ST6GAL2: variants seen among roughly 807,000 people sequenced by gnomAD.
ST6GAL2 encodes the protein beta-galactoside alpha-2,6-sialyltransferase 2.
ST6GAL2 carries 24 observed loss-of-function variants against 37.5 expected under a neutral mutation model. The observed-to-expected ratio is 0.64, with a 90% confidence interval of 0.46 to 0.90. The LOEUF is 0.90. Ranked by LOEUF, ST6GAL2 falls within the 40% of genes least tolerant of loss-of-function variation. ST6GAL2 has a pLI of 0.00. For synonymous variants in ST6GAL2, 306 were observed against 295.1 expected (o/e 1.04, Z -0.38); for missense variants, 715 against 712.7 (o/e 1.00, Z -0.04).
At chr2:106,861,448 A>T (rs969093561) in intron 1 of ST6GAL2, among the ~76,000 whole-genome samples, 1 of 152,108 alleles carries the variant, frequency 6.6e-6, no homozygotes, top group Non-Finnish European at 1.5e-5. Flanking sequence ...TTAGACATTT[A>T]TTATATATCC....
Position 106,803,109 on chromosome 2 carries a change from G to A in ST6GAL2, c.*3569C>T, listed in dbSNP as rs1292493816. ...GCAGAATTAACTGGCTCATACACAT[G>A]TAAGAGAGTGACCCAGCTACTTTGA... On this transcript the variant is annotated 3_prime_UTR_variant, in exon 6 of 6. Transcript: ENST00000409382. The A allele has an allele frequency of 1.3e-5, 2 of 152,336 alleles. No homozygotes were observed. The highest frequency in any genetic ancestry group is 4.2e-4 in the South Asian group (2 of 4,806). 9.4% of individuals were successfully genotyped at this position (152,336 alleles called of 1,614,324 possible).
At chr2:106,831,141 A>G (rs4676301) in intron 4 of ST6GAL2, among the ~76,000 whole-genome samples, 129,529 of 152,100 alleles carry the variant, frequency 0.85, 55,291 homozygotes, top group East Asian at 0.94. Context: ...TGGCACTGTC[A>G]CTTTAAAAGC....
chr2:106,823,474 CACACACACACACAG>C (rs1455155117), intron 5 of ST6GAL2, among the ~76,000 whole-genome samples: 29 of 87,818 alleles, frequency 3.3e-4, no homozygotes, highest in African/African-American at 6.8e-4. Context: ...CACACACACA[CACACACACACACAG>C]AGAGAGAGAG....
At chr2:106,874,096 G>A (rs17033448) in intron 1 of ST6GAL2, among the ~76,000 whole-genome samples, 11,927 of 152,230 alleles carry the variant, frequency 0.078, 1,038 homozygotes, top group East Asian at 0.45. Flanking sequence ...CAACATGCTC[G>A]ATAGCTGGCA....
At chr2:106,817,419 C>T (rs991877672) in intron 5 of ST6GAL2, among the ~76,000 whole-genome samples, 4 of 152,194 alleles carry the variant, frequency 2.6e-5, no homozygotes, top group Admixed American at 1.3e-4. Flanking sequence ...AGTCCTGAGG[C>T]CCCCATTCCA....
At chr2:106,886,509 C>G (rs1325417062), upstream of ST6GAL2, 1 of 151,888 alleles carries the variant, frequency 6.6e-6, no homozygotes, top group Admixed American at 6.6e-5. Flanking sequence ...GCCTCAAAGC[C>G]GGCGGGAGGC....
At chr2:106,859,592 T>G (rs1285717712) in intron 1 of ST6GAL2, among the ~76,000 whole-genome samples, 1 of 152,162 alleles carries the variant, frequency 6.6e-6, no homozygotes, top group East Asian at 1.9e-4. Flanking sequence ...CTTGATTCCT[T>G]TTTCCACTTA....
intron 5 of ST6GAL2, among the ~76,000 whole-genome samples, chr2:106,821,209 T>C (rs1425804589): frequency 2.0e-5 from 3 of 151,564 alleles, no homozygotes; most frequent in Non-Finnish European, 4.4e-5. Flanking sequence ...AGTTGGCTTT[T>C]TGAAAAGATA....
chr2:106,811,228 A>T (rs941775599), intron 5 of ST6GAL2, among the ~76,000 whole-genome samples: 10 of 152,210 alleles, frequency 6.6e-5, no homozygotes, highest in African/African-American at 1.9e-4. Flanking sequence ...TCTACATATC[A>T]ATTTTCCTAA....
chr2:106,851,601 T>C (rs941829385), intron 1 of ST6GAL2, among the ~76,000 whole-genome samples: 11 of 152,180 alleles, frequency 7.2e-5, no homozygotes, highest in African/African-American at 2.7e-4. Context: ...ACTTTAACGA[T>C]GTCCCTCTTA....
At chr2:106,844,115 T>G in intron 1 of ST6GAL2, 81 bp from the exon 2 acceptor site, 1 of 645,220 alleles carries the variant, frequency 1.5e-6, no homozygotes, top group Non-Finnish European at 2.5e-6. Flanking sequence ...TTGAGCAGTG[T>G]TTCTGTAGGT....
At chr2:106,819,097 T>C (rs1285282981) in intron 5 of ST6GAL2, among the ~76,000 whole-genome samples, 1 of 152,120 alleles carries the variant, frequency 6.6e-6, no homozygotes, top group Non-Finnish European at 1.5e-5. Context: ...CTGCAGGATC[T>C]AGAAAATAGC....
intron 2 of ST6GAL2, among the ~76,000 whole-genome samples, chr2:106,835,837 G>A (rs1308366281): frequency 6.6e-6 from 1 of 152,192 alleles, no homozygotes; most frequent in East Asian, 1.9e-4. Context: ...ATACATGAAT[G>A]CCTCCAAGTT....
In ST6GAL2 at chr2:106,843,288, G is replaced by C. The variant is rs144265287; in HGVS notation, c.690C>G (p.Thr230=). 3 of 1,611,686 alleles carry C rather than the reference G, an allele frequency of 1.9e-6. No homozygotes were observed. The African/African-American group carries it at 4.0e-5, about 22-fold the overall frequency. Residue 230 remains threonine, a synonymous_variant, in exon 2 of 6, where the codon ACC becomes ACG. Coordinates refer to ENST00000409382, the MANE Select transcript of ST6GAL2 (RefSeq NM_001142351.2). ...RLQKAMKDYL[T]ANKHGVRFRG... is the part of the protein sequence containing the mutation. ...GGAAGCGCACCCCGTGCTTGTTGGC[G>C]GTCAGGTAATCCTTCATCGCCTTCT...
At chr2:106,854,686 C>T (rs894331231) in intron 1 of ST6GAL2, among the ~76,000 whole-genome samples, 5 of 152,194 alleles carry the variant, frequency 3.3e-5, no homozygotes, top group East Asian at 1.9e-4. Context: ...TAGATAAACA[C>T]GAGTGTCTGA....
At chr2:106,882,532 C>T (rs1216821363) in intron 1 of ST6GAL2, among the ~76,000 whole-genome samples, 1 of 152,186 alleles carries the variant, frequency 6.6e-6, no homozygotes, top group Admixed American at 6.5e-5. Context: ...ACTACCATCT[C>T]CTGAGGCTGC....
chr2:106,810,198 C>G (rs984122970), intron 5 of ST6GAL2, among the ~76,000 whole-genome samples: 6 of 152,164 alleles, frequency 3.9e-5, no homozygotes, highest in Non-Finnish European at 1.5e-5. Context: ...ATCGTGTTAT[C>G]TGCTAAATAT....
chr2:106,884,936 C>CACATATATATATATATATATATAT (rs1678912296), intron 1 of ST6GAL2, among the ~76,000 whole-genome samples: 1 of 95,986 alleles, frequency 1.0e-5, no homozygotes, highest in Non-Finnish European at 1.9e-5. Flanking sequence ...TATATATATA[C>CACATATATATATATATATATATAT]ATACACACAC....
At chr2:106,859,680 T>C (rs1677721072) in intron 1 of ST6GAL2, among the ~76,000 whole-genome samples, 1 of 152,114 alleles carries the variant, frequency 6.6e-6, no homozygotes, top group Non-Finnish European at 1.5e-5. Context: ...GACAACGCAT[T>C]GCCTTCTGTA....
Sources: allele counts gnomAD v4.1 joint callset (sites outside exome capture counted in the v4.1 genomes callset), GRCh38; gene constraint gnomAD v4.1.1; transcripts MANE v1.5; gene names NCBI Gene and HGNC (gene_info 2026-07-23, HGNC 2026-07-21).